The following CTBP2 variants were observed in gnomAD, a reference collection of about 807,000 sequenced individuals.
CTBP2 encodes the protein C-terminal binding protein 2.
A neutral mutation model predicts 80.3 loss-of-function variants in CTBP2; 30 were observed. The observed-to-expected ratio is 0.37, with a 90% CI of 0.28 to 0.51. The LOEUF is 0.51. CTBP2 is among the 20% of genes least tolerant of loss of function. The probability of loss-of-function intolerance (pLI) is 0.93; values close to 1 mark genes in which losing one functional copy is unlikely to be tolerated. For synonymous variants in CTBP2, 594 were observed against 587.4 expected (o/e 1.01, Z -0.16); for missense variants, 1,212 against 1,375.3 (o/e 0.88, Z 1.88).
Position 124,998,127 on chromosome 10 carries a change from T to C in CTBP2, c.2022A>G (p.Thr674=), listed in dbSNP as rs1296497378. 2.5e-6 allele frequency: 4 copies of C among 1,612,010 alleles called. No homozygotes were observed. Among genetic ancestry groups the C allele is most frequent in the Non-Finnish European group, 2.5e-6 (3 of 1,179,428 alleles). ...GGATGTGGCAGATGGTAGAGTCCGC[T>C]GTCTCTTCCACGGCTGCAGACGGGA... The change falls in exon 4 of 9, where the codon ACA becomes ACG. Residue 674 remains threonine, a synonymous_variant. Coordinates refer to ENST00000309035, the MANE Select transcript of CTBP2 (RefSeq NM_022802.3).
At chr10:125,070,852 G>A (rs894999001) in intron 2 of CTBP2, among the ~76,000 whole-genome samples, 5 of 152,048 alleles carry the variant, frequency 3.3e-5, no homozygotes, top group African/African-American at 4.8e-5. Flanking sequence ...TTTAGTAGAG[G>A]CAGGATTTCA....
At chr10:125,040,013 T>A (rs1007859839) in intron 2 of CTBP2, among the ~76,000 whole-genome samples, 1 of 152,126 alleles carries the variant, frequency 6.6e-6, no homozygotes, top group Non-Finnish European at 1.5e-5. Context: ...CTGCCCATCC[T>A]CCTTCTCAGG....
At chr10:125,159,249 C>T (rs1861499487) in intron 1 of CTBP2, among the ~76,000 whole-genome samples, 2 of 150,648 alleles carry the variant, frequency 1.3e-5, no homozygotes, top group Non-Finnish European at 3.0e-5. Context: ...CCTAGCCAGC[C>T]CCTCCTGCTA....
At chr10:125,057,383 C>G (rs1964152284) in intron 2 of CTBP2, among the ~76,000 whole-genome samples, 1 of 152,180 alleles carries the variant, frequency 6.6e-6, no homozygotes, top group Non-Finnish European at 1.5e-5. Context: ...AAACCCCTTT[C>G]AATTGTCCTG....
chr10:125,027,008 C>G lies in CTBP2; in HGVS notation c.752G>C (p.Gly251Ala), dbSNP rs528998243. ...AGGCCCGTAGCCACGATTCAGGGCCCCTGGGGCCACCCCTGTGCTGCCTTC... is the reference window on the plus strand; with the variant it reads ...AGGCCCGTAGCCACGATTCAGGGCCGCTGGGGCCACCCCTGTGCTGCCTTC... The change falls in exon 1 of 9, where the codon GGG becomes GCG. Residue 251 changes from glycine (G) to alanine (A), a missense_variant. Physicochemically the swap from Gly to Ala is moderately conservative, Grantham distance 60 (BLOSUM62 0). Around this residue, in one of 3 missense-constraint regions of CTBP2, gnomAD observed 848 missense variants for 782.3 expected, o/e 1.08. Transcript: ENST00000309035. 2.5e-5 allele frequency: 41 copies of G among 1,613,958 alleles called. No homozygotes were observed. Among genetic ancestry groups the G allele is most frequent in the Admixed American group, 5.0e-5 (3 of 60,026 alleles).
upstream of CTBP2, among the ~76,000 whole-genome samples, chr10:125,029,933 C>T (rs542151350): frequency 1.4e-4 from 21 of 152,306 alleles, no homozygotes; most frequent in African/African-American, 4.6e-4. Context: ...CAGATGTGGG[C>T]AGATGCGCTT....
At position 124,986,395 on chromosome 10, in the gene CTBP2, G is replaced by GTTGA. The variant is rs1211063860; in HGVS notation, c.*3119_*3122dup. The stretch of plus-strand genomic sequence containing the variant: ...ATTTGCTTGCTTCTTGTTTTGTTTA[G>GTTGA]TTGATAATGAAATGTGTACAACCTC... On this transcript the variant is annotated 3_prime_UTR_variant, in exon 9 of 9. Coordinates refer to ENST00000309035, the MANE Select transcript of CTBP2 (RefSeq NM_022802.3). 1 of 151,976 alleles carries GTTGA rather than the reference G, an allele frequency of 6.6e-6. No homozygotes were observed. Among genetic ancestry groups the GTTGA allele is most frequent in the Non-Finnish European group, 1.5e-5 (1 of 67,962 alleles). The allele number at this position is 151,976 out of a possible 1,614,324, so 9.4% of individuals were successfully genotyped here. A position where few individuals can be genotyped will look rare whatever the true frequency, so the allele number is the denominator to read the frequency against.
rs1957817140 is a variant in CTBP2, at chr10:125,027,861, G to GA, written c.-103dup. The GA allele has an allele frequency of 6.3e-6, 9 of 1,429,710 alleles. No individual in the cohort carries two copies. The highest frequency in any genetic ancestry group is 7.3e-6 in the Non-Finnish European group (8 of 1,095,666). 88.6% of individuals were successfully genotyped at this position (1,429,710 alleles called of 1,614,324 possible). A position where few individuals can be genotyped will look rare whatever the true frequency, so the allele number is the denominator to read the frequency against. On this transcript the variant is annotated 5_prime_UTR_variant, in exon 1 of 9. Transcript: ENST00000309035. Reference sequence around the variant, plus strand: ...GACCTGGCTGTGTGCTAACCCTTCCGAGACGGCAGGGACAACCAACTGGGG... The same window carrying GA: ...GACCTGGCTGTGTGCTAACCCTTCCGAAGACGGCAGGGACAACCAACTGGGG...
Position 125,074,504 on chromosome 10 carries a change from G to A in CTBP2, c.-101-35349C>T, listed in dbSNP as rs111479672. ...TGAGTAGCTGGGATCACAGGCGCCC[G>A]CCATCACACCCAGCAATTTTTGTAT... On this transcript the variant is annotated intron_variant, in intron 2 of 10. Transcript: ENST00000337195. 4.7e-3 allele frequency among the ~76,000 whole-genome samples: 717 copies of A among 152,278 alleles called. 3 individuals are homozygous for A. Among genetic ancestry groups the A allele is most frequent in the African/African-American group, 0.014 (586 of 41,558 alleles).
chr10:125,064,153 G>C (rs956109605), intron 2 of CTBP2, among the ~76,000 whole-genome samples: 11 of 152,242 alleles, frequency 7.2e-5, no homozygotes, highest in African/African-American at 2.7e-4. Context: ...GTTAGATGGT[G>C]AATACCTCAG....
intron 3 of CTBP2, among the ~76,000 whole-genome samples, chr10:125,037,414 C>T (rs530901703): frequency 1.9e-4 from 29 of 152,286 alleles, no homozygotes; most frequent in African/African-American, 6.5e-4. Flanking sequence ...GAGTCACGAG[C>T]GTGTTCCAGA....
chr10:125,003,153 C>T, intron 2 of CTBP2, 49 bp from the exon 5 acceptor site: 1 of 1,610,404 alleles, frequency 6.2e-7, no homozygotes, highest in Non-Finnish European at 8.5e-7. Flanking sequence ...GTGCAGCCCA[C>T]CGGCACCACT....
intron 1 of CTBP2, among the ~76,000 whole-genome samples, chr10:125,148,148 T>C (rs1859140202): frequency 6.6e-6 from 1 of 152,190 alleles, no homozygotes; most frequent in Admixed American, 6.5e-5. Context: ...CCATCTCTCC[T>C]TGGGCCGAGC....
chr10:125,158,239 G>C (rs1369288067), intron 1 of CTBP2, among the ~76,000 whole-genome samples: 1 of 152,006 alleles, frequency 6.6e-6, no homozygotes, highest in East Asian at 1.9e-4. Context: ...GAAAACCCTC[G>C]AGGCAAAACA....
intron 2 of CTBP2, among the ~76,000 whole-genome samples, chr10:125,043,672 G>A (rs763143987): frequency 5.2e-4 from 79 of 152,064 alleles, no homozygotes; most frequent in Non-Finnish European, 1.0e-3. Flanking sequence ...TCCTGACCTC[G>A]TGATCTGTCT....
chr10:125,136,986 C>A (rs1857073109), intron 1 of CTBP2, among the ~76,000 whole-genome samples: 1 of 152,204 alleles, frequency 6.6e-6, no homozygotes, highest in Admixed American at 6.5e-5. Context: ...GGTCACCAAA[C>A]CTGACCCACC....
chr10:125,127,998 T>A (rs1350137352), intron 1 of CTBP2, among the ~76,000 whole-genome samples: 1 of 152,220 alleles, frequency 6.6e-6, no homozygotes, highest in Non-Finnish European at 1.5e-5. Flanking sequence ...GAGAACATTC[T>A]AGTAACCCTA....
intron 1 of CTBP2, among the ~76,000 whole-genome samples, chr10:125,141,704 A>G (rs1203740148): frequency 6.6e-6 from 1 of 152,068 alleles, no homozygotes; most frequent in Non-Finnish European, 1.5e-5. Flanking sequence ...AGCACACGGT[A>G]AACACTCAGC....
chr10:125,061,156 A>G (rs1386363112), intron 2 of CTBP2, among the ~76,000 whole-genome samples: 3 of 152,228 alleles, frequency 2.0e-5, no homozygotes, highest in Non-Finnish European at 2.9e-5. Flanking sequence ...ATTTTCAACT[A>G]AGGCCCTGGC....
Sources: gnomAD v4.1 joint callset for allele counts (sites outside exome capture counted in the v4.1 genomes callset) on GRCh38, gnomAD v4.1.1 for gene constraint, gnomAD v4.1.1 regional missense constraint, MANE v1.5 for transcripts, NCBI Gene and HGNC (gene_info 2026-07-23, HGNC 2026-07-21) for gene names.